The following CAMK2A variants were observed in gnomAD, a reference collection of about 807,000 sequenced individuals.
The protein encoded by CAMK2A is calcium/calmodulin-dependent protein kinase type II subunit alpha.
A neutral mutation model predicts 79.2 loss-of-function variants in CAMK2A; 7 were observed. The ratio of observed to expected loss-of-function variants is 0.09; its 90% confidence interval spans 0.05 to 0.17. The LOEUF (loss-of-function observed/expected upper bound fraction) is 0.17, where lower values mean the gene tolerates loss of function less well. Ranked by LOEUF, CAMK2A falls within the 10% of genes least tolerant of loss-of-function variation. The pLI is 1.00. For synonymous variants in CAMK2A, 242 were observed against 251.7 expected (o/e 0.96, Z 0.36); for missense variants, 214 against 646.4 (o/e 0.33, Z 7.25).
intron 2 of CAMK2A, among the ~76,000 whole-genome samples, chr5:150,265,548 T>A (rs1756477676): frequency 6.6e-6 from 1 of 152,010 alleles, no homozygotes; most frequent in Non-Finnish European, 1.5e-5. Flanking sequence ...CATGACCCAC[T>A]CAGTCTCATG....
At chr5:150,242,092 G>A (rs913258238) in intron 13 of CAMK2A, among the ~76,000 whole-genome samples, 5 of 152,226 alleles carry the variant, frequency 3.3e-5, no homozygotes, top group African/African-American at 9.6e-5. Context: ...GCAGTGAGTG[G>A]GGCTGAGGGG....
chr5:150,248,939 T>A lies in CAMK2A; in HGVS notation c.901-1125A>T, dbSNP rs73281767. Among the ~76,000 whole-genome samples the A allele has an allele frequency of 4.7e-3, 712 of 152,334 alleles. 6 individuals carry two copies. Among genetic ancestry groups the A allele is most frequent in the African/African-American group, 0.017 (691 of 41,568 alleles). The stretch of plus-strand genomic sequence containing the variant: ...GTTCCAGAGCCATCTGATTCAGACC[T>A]GACTTGACACTGTCTGAATCCCACT... On this transcript the variant is annotated intron_variant, in intron 11 of 18. Transcript: ENST00000671881.
Position 150,221,308 on chromosome 5 carries a change from AAG to A in CAMK2A, c.*1400_*1401del, listed in dbSNP as rs1031859602. On this transcript the variant is annotated 3_prime_UTR_variant, in exon 19 of 19. Transcript: ENST00000671881. ...AGGGAAAGAGGGAAAGAGGAAAAGA[AAG>A]AGAGAATGCGAACCCGAGGCTGCAG... 7 of 397,752 alleles carry A rather than the reference AAG, an allele frequency of 1.8e-5. No homozygotes were observed. Among genetic ancestry groups the A allele is most frequent in the Non-Finnish European group, 3.1e-5 (7 of 225,886 alleles). 24.6% of individuals were successfully genotyped at this position (397,752 alleles called of 1,614,324 possible). A position where few individuals can be genotyped will look rare whatever the true frequency, so the allele number is the denominator to read the frequency against.
At chr5:150,280,527 C>T (rs1448033856) in intron 1 of CAMK2A, among the ~76,000 whole-genome samples, 2 of 152,298 alleles carry the variant, frequency 1.3e-5, no homozygotes, top group Non-Finnish European at 2.9e-5. Context: ...CCGACATCCG[C>T]CGCCTCCTCT....
At chr5:150,285,310 C>T (rs1395133676) in intron 1 of CAMK2A, among the ~76,000 whole-genome samples, 1 of 152,176 alleles carries the variant, frequency 6.6e-6, no homozygotes, top group East Asian at 1.9e-4. Context: ...CAGAGATGAG[C>T]TCATGGATGA....
Position 150,220,029 on chromosome 5 carries a change from GC to G in CAMK2A, c.*2680del, listed in dbSNP as rs1314156467. The G allele has an allele frequency of 6.5e-6, 1 of 152,708 alleles. No homozygotes were observed. Among genetic ancestry groups the G allele is most frequent in the Non-Finnish European group, 1.5e-5 (1 of 68,050 alleles). 9.5% of individuals were successfully genotyped at this position (152,708 alleles called of 1,614,324 possible). ...TGCCCTGTGGTGGCACCAGGTGGCT[GC>G]CCACCCACAGGCGTGGCCTTCACAG... On this transcript the variant is annotated 3_prime_UTR_variant, in exon 19 of 19. Transcript: ENST00000671881.
At chr5:150,281,981 G>A (rs935752555) in intron 1 of CAMK2A, among the ~76,000 whole-genome samples, 1 of 152,170 alleles carries the variant, frequency 6.6e-6, no homozygotes, top group Middle Eastern at 3.2e-3. Context: ...AAATAGATCA[G>A]AGGAGATGGG....
At chr5:150,267,273 C>A (rs887542331) in intron 2 of CAMK2A, among the ~76,000 whole-genome samples, 1 of 152,010 alleles carries the variant, frequency 6.6e-6, no homozygotes, top group African/African-American at 2.4e-5. Flanking sequence ...CCATACCCTA[C>A]CCCCCATCCC....
At chr5:150,269,512 C>T (rs932363673) in intron 2 of CAMK2A, among the ~76,000 whole-genome samples, 26 of 152,012 alleles carry the variant, frequency 1.7e-4, no homozygotes, top group African/African-American at 4.1e-4. Flanking sequence ...CCACTACGCC[C>T]GGCTAATTTT....
intron 17 of CAMK2A, among the ~76,000 whole-genome samples, chr5:150,227,315 G>A (rs1325780287): frequency 6.6e-6 from 1 of 152,208 alleles, no homozygotes; most frequent in Non-Finnish European, 1.5e-5. Context: ...CCCCCTGATG[G>A]AGCCAGAGTA....
intron 17 of CAMK2A, among the ~76,000 whole-genome samples, chr5:150,226,535 G>A (rs1005747838): frequency 6.6e-6 from 1 of 151,978 alleles, no homozygotes; most frequent in Admixed American, 6.6e-5. Context: ...TCTGGAGCTT[G>A]AGACCAGCCT....
At chr5:150,278,702 G>C (rs550144762) in intron 1 of CAMK2A, among the ~76,000 whole-genome samples, 1 of 152,282 alleles carries the variant, frequency 6.6e-6, no homozygotes, top group East Asian at 1.9e-4. Flanking sequence ...AATTCCTCGA[G>C]GGGTGTAGGG....
chr5:150,284,945 C>T lies in CAMK2A; in HGVS notation c.62+4619G>A, dbSNP rs1436218904. On this transcript the variant is annotated intron_variant, in intron 1 of 18. Transcript: ENST00000671881. This position sits in a 1 kb window ranked among gnomAD's most constrained non-coding sequence, Gnocchi z 5.3. The stretch of plus-strand genomic sequence containing the variant: ...GCGTGGCATCTCTAATGGGGCATTG[C>T]AGGCATCTCCAGAGGTATTATGATC... Among the ~76,000 whole-genome samples, 1 of 149,186 alleles carries T rather than the reference C, an allele frequency of 6.7e-6. No individual in the cohort carries two copies. The highest frequency in any genetic ancestry group is 6.8e-5 in the Admixed American group (1 of 14,766).
At chr5:150,288,525 A>G (rs1757528366) in intron 1 of CAMK2A, among the ~76,000 whole-genome samples, 1 of 152,108 alleles carries the variant, frequency 6.6e-6, no homozygotes, top group Non-Finnish European at 1.5e-5. Flanking sequence ...CTACAGCCAC[A>G]CACATCACTC....
In CAMK2A at chr5:150,222,692, C is replaced by T. The variant is rs545697976; in HGVS notation, c.*18G>A. ...GGATCTCTGCGGCACAGCAACGCAG[C>T]GACCCCAGCCTGGTCCCTCAGCTGT... On this transcript the variant is annotated 3_prime_UTR_variant, in exon 19 of 19. Coordinates refer to ENST00000671881, the MANE Select transcript of CAMK2A (RefSeq NM_015981.4). The T allele has an allele frequency of 1.9e-5, 30 of 1,613,470 alleles. 1 individual carries two copies. The highest frequency in any genetic ancestry group is 1.6e-4 in the Middle Eastern group (1 of 6,082).
At chr5:150,259,077 G>A (rs1193382441) in intron 3 of CAMK2A, among the ~76,000 whole-genome samples, 1 of 152,062 alleles carries the variant, frequency 6.6e-6, no homozygotes, top group Non-Finnish European at 1.5e-5. Flanking sequence ...CTACTCCAGA[G>A]GCTGAGGCAG....
At chr5:150,271,109 A>G (rs1756729226) in intron 2 of CAMK2A, among the ~76,000 whole-genome samples, 1 of 152,212 alleles carries the variant, frequency 6.6e-6, no homozygotes, top group Non-Finnish European at 1.5e-5. Flanking sequence ...TCAACACCCA[A>G]TGCACAGAGA....
At chr5:150,244,387 C>T (rs532571570) in intron 13 of CAMK2A, among the ~76,000 whole-genome samples, 2 of 152,292 alleles carry the variant, frequency 1.3e-5, no homozygotes, top group Non-Finnish European at 2.9e-5. Context: ...ATGTCCTGGG[C>T]ACATCCCAGC....
intron 1 of CAMK2A, among the ~76,000 whole-genome samples, chr5:150,274,450 T>C (rs1756871950): frequency 6.6e-6 from 1 of 152,236 alleles, no homozygotes; most frequent in Non-Finnish European, 1.5e-5. Context: ...AAAAGTTGTC[T>C]AAGGGCTAGA....
Sources: gnomAD v4.1 joint callset for allele counts (sites outside exome capture counted in the v4.1 genomes callset) on GRCh38, gnomAD v4.1.1 for gene constraint, Gnocchi (gnomAD v3.1) non-coding constraint, MANE v1.5 for transcripts, NCBI Gene and HGNC (gene_info 2026-07-23, HGNC 2026-07-21) for gene names.